DYNLT5: variants seen among roughly 807,000 people sequenced by gnomAD.
DYNLT5 encodes dynein light chain Tctex-type family member 5.
DYNLT5 carries 25 observed loss-of-function variants against 19.3 expected under a neutral mutation model. The observed-to-expected ratio is 1.30, with a 90% CI of 0.95 to 1.81. The LOEUF is 1.81. Ranked by LOEUF, DYNLT5 falls within the 40% of genes most tolerant of loss-of-function variation. The pLI is 0.00. For missense variants in DYNLT5, 232 were observed against 217.9 expected (o/e 1.06, Z -0.41); for synonymous variants, 82 against 68.9 (o/e 1.19, Z -0.94).
rs756385189 is a variant in DYNLT5 at position 66,776,235 on chromosome 1, A to G, written c.212-44A>G. On this transcript the variant is annotated intron_variant, in intron 3 of 4. Coordinates refer to ENST00000282670, the MANE Select transcript of DYNLT5 (RefSeq NM_152665.3). The stretch of plus-strand genomic sequence containing the variant: ...TTAGCCTATGGGGTGGGTGGGTGTG[A>G]TTTGAAATTACTTTTTAGAAATAAA... 4.7e-5 allele frequency: 75 copies of G among 1,601,034 alleles called. 2 individuals carry two copies. In the South Asian group the frequency reaches 7.5e-4, roughly 16 times the overall value.
intron 1 of DYNLT5, among the ~76,000 whole-genome samples, chr1:66,753,361 T>C (rs1163053957): frequency 6.6e-6 from 1 of 152,226 alleles, no homozygotes; most frequent in African/African-American, 2.4e-5. Context: ...TATGAAATAA[T>C]TTAAATGAAT....
intron 2 of DYNLT5, among the ~76,000 whole-genome samples, chr1:66,767,733 G>A (rs764988593): frequency 2.6e-5 from 4 of 152,168 alleles, no homozygotes; most frequent in Non-Finnish European, 5.9e-5. Flanking sequence ...GAAGTTCAGA[G>A]GCTTCTTTCT....
At chr1:66,766,367 A>G (rs945002398) in intron 2 of DYNLT5, among the ~76,000 whole-genome samples, 1 of 152,206 alleles carries the variant, frequency 6.6e-6, no homozygotes, top group African/African-American at 2.4e-5. Context: ...GTATTGTGCC[A>G]GGTATATGGC....
intron 3 of DYNLT5, among the ~76,000 whole-genome samples, chr1:66,771,053 A>T (rs955287068): frequency 1.3e-5 from 2 of 152,156 alleles, no homozygotes; most frequent in African/African-American, 4.8e-5. Context: ...GTACCTGCCC[A>T]CTATTACCTG....
chr1:66,759,505 C>A (rs528540377), intron 2 of DYNLT5, among the ~76,000 whole-genome samples: 3 of 152,246 alleles, frequency 2.0e-5, no homozygotes, highest in Non-Finnish European at 4.4e-5. Context: ...GCTGAAGATA[C>A]ATACACGTTT....
intron 2 of DYNLT5, among the ~76,000 whole-genome samples, chr1:66,767,146 TA>T (rs36062621): frequency 0.19 from 27,729 of 148,300 alleles, 2,891 homozygotes; most frequent in African/African-American, 0.29. Flanking sequence ...AATAATAGTT[TA>T]AAAAAAAAAA....
chr1:66,764,031 A>C (rs530119757), intron 2 of DYNLT5, among the ~76,000 whole-genome samples: 1 of 152,130 alleles, frequency 6.6e-6, no homozygotes, highest in East Asian at 1.9e-4. Context: ...CAAAAAATTA[A>C]AACAAAATTA....
Position 66,754,682 on chromosome 1 carries a change from A to G in DYNLT5, c.24A>G (p.Lys8=). The part of the protein sequence containing the change: MMMSDNA[K]GRAAHSWKKR... The stretch of plus-strand genomic sequence containing the variant: ...TTATGATGATGTCAGACAATGCTAA[A>G]GGCAGAGCAGCTCATTCATGGAAGA... Residue 8 remains lysine, a synonymous_variant, in exon 2 of 5, where the codon AAA becomes AAG. Coordinates refer to ENST00000282670, the MANE Select transcript of DYNLT5 (RefSeq NM_152665.3). 1 of 1,612,824 alleles carries G rather than the reference A, an allele frequency of 6.2e-7. No individual in the cohort carries two copies. Among genetic ancestry groups the G allele is most frequent in the South Asian group, 1.1e-5 (1 of 90,820 alleles).
rs1645248763 is a variant in DYNLT5, at chr1:66,778,285, T to C, written c.*831T>C. The C allele has an allele frequency of 1.3e-5, 2 of 152,646 alleles. No individual in the cohort carries two copies. The highest frequency in any genetic ancestry group is 2.1e-4 in the South Asian group (1 of 4,836). The allele number at this position is 152,646 out of a possible 1,614,324, so 9.5% of individuals were successfully genotyped here. On this transcript the variant is annotated 3_prime_UTR_variant, in exon 5 of 5. Transcript: ENST00000282670. ...GGCTAACAAACTTTTTCACAAAATATATGGCTGGCACCTTAACAAATAAAG... is the reference window on the plus strand; with the variant it reads ...GGCTAACAAACTTTTTCACAAAATACATGGCTGGCACCTTAACAAATAAAG...
chr1:66,760,679 C>T (rs1216455862), intron 2 of DYNLT5, among the ~76,000 whole-genome samples: 1 of 152,150 alleles, frequency 6.6e-6, no homozygotes, highest in African/African-American at 2.4e-5. Context: ...TTGATGATCT[C>T]CACAGCTTTG....
chr1:66,754,937 AAGAG>A (rs1213720902), intron 2 of DYNLT5, among the ~76,000 whole-genome samples, 160 bp downstream of exon 2: 3 of 152,204 alleles, frequency 2.0e-5, no homozygotes, highest in African/African-American at 4.8e-5. Flanking sequence ...AAGAAAGAGA[AAGAG>A]AGAAAGCTTA....
intron 3 of DYNLT5, among the ~76,000 whole-genome samples, chr1:66,773,687 G>A (rs1460960439): frequency 6.6e-6 from 1 of 152,092 alleles, no homozygotes; most frequent in Non-Finnish European, 1.5e-5. Flanking sequence ...TTACCCCAAT[G>A]TGGGGTAGTG....
chr1:66,777,449 G>A lies in DYNLT5; in HGVS notation c.535G>A (p.Glu179Lys). ...TGCAAATGTCTATGCAGTTTACCTT[G>A]AGTGATTGAAAATAAGAAATCTAGC... ...ALANVYAVYL[E>K] Residue 179 changes from glutamate (E) to lysine (K), a missense_variant, in exon 5 of 5, where the codon GAG becomes AAG. Coordinates refer to ENST00000282670, the MANE Select transcript of DYNLT5 (RefSeq NM_152665.3). The A allele has an allele frequency of 6.2e-7, 1 of 1,611,534 alleles. No individual in the cohort carries two copies. The highest frequency in any genetic ancestry group is 1.3e-5 in the African/African-American group (1 of 74,906).
Position 66,770,391 on chromosome 1 carries a change from A to C in DYNLT5, c.124A>C (p.Met42Leu). Reference protein sequence around the residue: ...KEIHGRIKDSMSTVSYMEEPS... With the variant: ...KEIHGRIKDSLSTVSYMEEPS... ...TGTTTTCTCCCTTGTTTTTAGTTCT[A>C]TGAGTACTGTGTCTTATATGGAAGA... Residue 42 changes from methionine (M) to leucine (L), a missense_variant, in exon 3 of 5, where the codon ATG becomes CTG. By Grantham distance (15) the Met-to-Leu change is conservative. Transcript: ENST00000282670. The C allele has an allele frequency of 6.2e-7, 1 of 1,610,672 alleles. No homozygotes were observed. Among genetic ancestry groups the C allele is most frequent in the Non-Finnish European group, 8.5e-7 (1 of 1,177,428 alleles).
At chr1:66,760,558 G>A (rs937531777) in intron 2 of DYNLT5, among the ~76,000 whole-genome samples, 1 of 152,152 alleles carries the variant, frequency 6.6e-6, no homozygotes, top group African/African-American at 2.4e-5. Context: ...TTTTCTTAAT[G>A]TATACCTTTA....
At chr1:66,753,061 A>G (rs1260586567) in intron 1 of DYNLT5, among the ~76,000 whole-genome samples, 2 of 152,196 alleles carry the variant, frequency 1.3e-5, no homozygotes, top group East Asian at 1.9e-4. Flanking sequence ...ACCTTCGTAC[A>G]CACGAACACA....
intron 2 of DYNLT5, among the ~76,000 whole-genome samples, chr1:66,764,999 A>G (rs964291104): frequency 6.6e-6 from 1 of 152,172 alleles, no homozygotes; most frequent in Non-Finnish European, 1.5e-5. Flanking sequence ...ATCTCATTCT[A>G]CATCCTGTTT....
intron 2 of DYNLT5, among the ~76,000 whole-genome samples, chr1:66,766,192 CAT>C (rs1297990758): frequency 1.3e-5 from 2 of 152,094 alleles, no homozygotes; most frequent in South Asian, 4.2e-4. Context: ...TGGTAAAACA[CAT>C]AGACAGCAAG....
chr1:66,773,676 A>T (rs184817659), intron 3 of DYNLT5, among the ~76,000 whole-genome samples: 11 of 152,326 alleles, frequency 7.2e-5, no homozygotes, highest in African/African-American at 2.6e-4. Flanking sequence ...AATTATTATT[A>T]TTACCCCAAT....
Sources: allele counts gnomAD v4.1 joint callset (sites outside exome capture counted in the v4.1 genomes callset), GRCh38; gene constraint gnomAD v4.1.1; transcripts MANE v1.5; gene names NCBI Gene and HGNC (gene_info 2026-07-23, HGNC 2026-07-21).